Variants in RASEF observed in about 807,000 individuals in gnomAD.
RASEF encodes ras and EF-hand domain-containing protein.
Under a neutral mutation model 90.1 loss-of-function variants are expected in RASEF, and 68 were observed. The ratio of observed to expected loss-of-function variants is 0.75; its 90% CI spans 0.62 to 0.92. RASEF has a LOEUF of 0.92. RASEF is among the 40% of genes least tolerant of loss of function. The pLI is 0.00. For missense variants in RASEF, 949 were observed against 937.2 expected (o/e 1.01, Z -0.16); for synonymous variants, 331 against 345.2 (o/e 0.96, Z 0.46).
chr9:83,180,741 T>C, the RASEF span, among the ~76,000 whole-genome samples: 1 of 152,076 alleles, frequency 6.6e-6, no homozygotes, highest in Admixed American at 6.6e-5. Context: ...ACCTGGGTCA[T>C]GTATCCACCC....
At chr9:83,186,737 G>T in the RASEF span, among the ~76,000 whole-genome samples, 2 of 151,822 alleles carry the variant, frequency 1.3e-5, no homozygotes, top group Non-Finnish European at 2.9e-5. Context: ...TCATTGGATG[G>T]GAAATGACTT....
At chr9:82,984,651 G>A (rs964260815) in intron 16 of RASEF, among the ~76,000 whole-genome samples, 9 of 152,030 alleles carry the variant, frequency 5.9e-5, no homozygotes, top group African/African-American at 1.7e-4. Flanking sequence ...CCTAACACCC[G>A]GGAAGACTCA....
At chr9:82,990,519 G>A (rs1292367599) in intron 15 of RASEF, 52 bp from the exon 16 acceptor site, 1 of 1,350,052 alleles carries the variant, frequency 7.4e-7, no homozygotes. Context: ...TGAGTTTCCT[G>A]AAATTTTAGC....
the RASEF span, among the ~76,000 whole-genome samples, chr9:83,154,137 G>C: frequency 6.6e-6 from 1 of 152,190 alleles, no homozygotes; most frequent in Non-Finnish European, 1.5e-5. Context: ...CCAAGTTCTA[G>C]TGTACATTCT....
rs1451830575 is a variant in RASEF at position 82,981,831 on chromosome 9, G to A, written c.*846C>T. On this transcript the variant is annotated 3_prime_UTR_variant, in exon 17 of 17. Transcript: ENST00000376447. The stretch of plus-strand genomic sequence containing the variant: ...AAGAGTGACAACTTTCCTGGGCATT[G>A]TGCTTTCAGTAGTATGTGGCTTTAC... The A allele has an allele frequency of 6.6e-6, 1 of 152,204 alleles. No homozygotes were observed. The allele number at this position is 152,204 out of a possible 1,614,324, so 9.4% of individuals were successfully genotyped here. A position where few individuals can be genotyped will look rare whatever the true frequency, so the allele number is the denominator to read the frequency against.
At chr9:83,002,451 G>A (rs535030477) in intron 9 of RASEF, among the ~76,000 whole-genome samples, 7 of 151,382 alleles carry the variant, frequency 4.6e-5, no homozygotes, top group East Asian at 1.9e-4. Flanking sequence ...GCATGTGTGC[G>A]TGTGTGTGTT....
intron 1 of RASEF, among the ~76,000 whole-genome samples, chr9:83,045,800 C>A (rs1829917826): frequency 6.6e-6 from 1 of 152,166 alleles, no homozygotes; most frequent in Non-Finnish European, 1.5e-5. Flanking sequence ...CCCAGTGTGC[C>A]CCCAAGTAAC....
the RASEF span, among the ~76,000 whole-genome samples, chr9:83,121,165 A>T: frequency 2.0e-5 from 3 of 152,262 alleles, no homozygotes; most frequent in East Asian, 3.9e-4. Flanking sequence ...ATTTGTAAAG[A>T]TTGGTTTATA....
intron 1 of RASEF, among the ~76,000 whole-genome samples, chr9:83,038,068 A>G (rs1829775163): frequency 6.6e-6 from 1 of 152,094 alleles, no homozygotes; most frequent in Admixed American, 6.5e-5. Context: ...TAACAATAGG[A>G]TGGAATTGAG....
rs1290096432 is a variant in RASEF at position 82,981,512 on chromosome 9, C to G, written c.*1165G>C. Reference sequence around the variant, plus strand: ...GACTTGCATTACATTACAGGTTATGCTTCTAAACCATGGGAAGGTTTGAAA... The same window carrying G: ...GACTTGCATTACATTACAGGTTATGGTTCTAAACCATGGGAAGGTTTGAAA... On this transcript the variant is annotated 3_prime_UTR_variant, in exon 17 of 17. Coordinates refer to ENST00000376447, the MANE Select transcript of RASEF (RefSeq NM_152573.4). 1.3e-5 allele frequency: 2 copies of G among 152,178 alleles called. No individual in the cohort carries two copies. The highest frequency in any genetic ancestry group is 4.8e-5 in the African/African-American group (2 of 41,430). The allele number at this position is 152,178 out of a possible 1,614,324, so 9.4% of individuals were successfully genotyped here.
intron 16 of RASEF, among the ~76,000 whole-genome samples, chr9:82,984,527 T>G (rs951716872): frequency 1.3e-5 from 2 of 152,182 alleles, no homozygotes; most frequent in African/African-American, 2.4e-5. Flanking sequence ...TTTTCATATT[T>G]GATATATACC....
the RASEF span, among the ~76,000 whole-genome samples, chr9:83,144,326 G>GAAAGGAAAGAAAGAAA: frequency 2.5e-4 from 10 of 39,484 alleles, no homozygotes; most frequent in Non-Finnish European, 3.5e-4. Context: ...AAAGAAAGAA[G>GAAAGGAAAGAAAGAAA]GAAAGAAAGA....
chr9:83,183,988 T>C, the RASEF span, among the ~76,000 whole-genome samples: 135,133 of 152,194 alleles, frequency 0.89, 60,248 homozygotes, highest in African/African-American at 0.97. Flanking sequence ...TGGGGTGGGG[T>C]GTATTTGCAC....
the RASEF span, among the ~76,000 whole-genome samples, chr9:83,102,805 G>C: frequency 4.6e-5 from 7 of 152,170 alleles, no homozygotes; most frequent in Admixed American, 3.9e-4. Context: ...GATGAGGACA[G>C]ACGGGTAGTA....
chr9:82,997,877 G>T (rs1381499884), intron 13 of RASEF, among the ~76,000 whole-genome samples: 3 of 152,148 alleles, frequency 2.0e-5, no homozygotes, highest in African/African-American at 7.2e-5. Context: ...ATTTTGTTCC[G>T]AAGGAGTTAA....
intron 14 of RASEF, among the ~76,000 whole-genome samples, chr9:82,993,933 G>A (rs1828860415): frequency 6.6e-6 from 1 of 152,204 alleles, no homozygotes; most frequent in Non-Finnish European, 1.5e-5. Context: ...GCTATGATGA[G>A]AATACAAGAA....
At chr9:83,093,928 T>C in the RASEF span, among the ~76,000 whole-genome samples, 5 of 152,204 alleles carry the variant, frequency 3.3e-5, no homozygotes, top group African/African-American at 1.2e-4. Flanking sequence ...TAAATGTTAG[T>C]TGAAAGTCCC....
At chr9:83,139,315 G>A in the RASEF span, among the ~76,000 whole-genome samples, 1 of 152,098 alleles carries the variant, frequency 6.6e-6, no homozygotes, top group Non-Finnish European at 1.5e-5. Flanking sequence ...CAACATGGGG[G>A]CTTGGGCTCC....
At chr9:83,095,388 C>G in the RASEF span, among the ~76,000 whole-genome samples, 1 of 150,814 alleles carries the variant, frequency 6.6e-6, no homozygotes, top group Admixed American at 6.7e-5. Context: ...GAAGCAATGG[C>G]AGTAGTGGAC....
Sources: allele counts gnomAD v4.1 joint callset (sites outside exome capture counted in the v4.1 genomes callset), GRCh38; gene constraint gnomAD v4.1.1; transcripts MANE v1.5; gene names NCBI Gene and HGNC (gene_info 2026-07-23, HGNC 2026-07-21).